The following PSMA8 variants were observed in gnomAD, a reference collection of about 807,000 sequenced individuals.
PSMA8 encodes the protein proteasome 20S subunit alpha 8.
PSMA8 carries 18 observed loss-of-function variants against 32.4 expected under a neutral mutation model. The observed-to-expected ratio is 0.56, with a 90% CI of 0.38 to 0.82. The LOEUF is 0.82. Among genes scored for constraint, PSMA8 ranks in the 40% least tolerant of loss-of-function variants. The pLI, the probability that PSMA8 is intolerant of heterozygous loss-of-function variation, is 0.00. For synonymous variants in PSMA8, 104 were observed against 98.1 expected (o/e 1.06, Z -0.36); for missense variants, 298 against 300.7 (o/e 0.99, Z 0.07).
intron 4 of PSMA8, among the ~76,000 whole-genome samples, chr18:26,174,684 T>C (rs746517761): frequency 1.3e-5 from 2 of 152,200 alleles, no homozygotes; most frequent in African/African-American, 2.4e-5. Context: ...TGTTTCAAAA[T>C]GGTAAGAATG....
chr18:26,137,638 A>G (rs905816529), intron 1 of PSMA8, among the ~76,000 whole-genome samples: 7 of 152,046 alleles, frequency 4.6e-5, no homozygotes, highest in African/African-American at 1.7e-4. Flanking sequence ...TCACACATTC[A>G]TTTATTATTT....
intron 6 of PSMA8, 51 bp from the exon 7 acceptor site, chr18:26,192,268 A>AT: frequency 1.6e-6 from 2 of 1,269,986 alleles, no homozygotes; most frequent in African/African-American, 1.7e-5. Context: ...TTGTATTTAC[A>AT]TATTATTCGT....
intron 4 of PSMA8, among the ~76,000 whole-genome samples, chr18:26,169,661 G>A (rs1409260066): frequency 3.1e-5 from 4 of 128,982 alleles, no homozygotes; most frequent in African/African-American, 4.3e-5. Context: ...CCAACATGGC[G>A]AAACCCCATC....
At chr18:26,181,958 T>G (rs150709812) in intron 6 of PSMA8, among the ~76,000 whole-genome samples, 1 of 150,666 alleles carries the variant, frequency 6.6e-6, no homozygotes, top group East Asian at 1.9e-4. Flanking sequence ...GTTACTGATA[T>G]GGAGGTTTTA....
In PSMA8 at chr18:26,151,863, A is replaced by G. The variant is rs1217621677; in HGVS notation, c.235A>G (p.Thr79Ala). The change falls in exon 3 of 7, where the codon ACT (threonine) becomes GCT (alanine). Residue 79 changes from threonine to alanine, a missense_variant. Coordinates refer to ENST00000415576, the MANE Select transcript of PSMA8 (RefSeq NM_001025096.2). ...DHVCMAFAGL[T>A]ADARVVINRA... ...AGTTTTGACAATTTTTATAGGACTT[A>G]CTGCTGATGCTAGAGTAGTAATAAA... The G allele has an allele frequency of 1.9e-6, 3 of 1,597,772 alleles. No homozygotes were observed. The highest frequency in any genetic ancestry group is 2.6e-6 in the Non-Finnish European group (3 of 1,174,510).
chr18:26,177,215 T>A (rs2088499810), intron 4 of PSMA8, among the ~76,000 whole-genome samples: 1 of 152,142 alleles, frequency 6.6e-6, no homozygotes, highest in South Asian at 2.1e-4. Flanking sequence ...CTAAAAGACA[T>A]TTGACAATGT....
chr18:26,144,524 C>T, intron 1 of PSMA8, 35 bp from the exon 2 acceptor site: 2 of 1,572,586 alleles, frequency 1.3e-6, no homozygotes, highest in East Asian at 2.2e-5. Context: ...TTTAAACTGA[C>T]ATCTGAATAT....
chr18:26,139,951 C>G, intron 1 of PSMA8: 1 of 670,520 alleles, frequency 1.5e-6, no homozygotes, highest in South Asian at 1.7e-5. Flanking sequence ...TCTCTGTACT[C>G]TTGTAGCTTA....
chr18:26,155,811 T>C (rs947989123), intron 3 of PSMA8, among the ~76,000 whole-genome samples: 1 of 152,064 alleles, frequency 6.6e-6, no homozygotes, highest in Non-Finnish European at 1.5e-5. Flanking sequence ...TGAGATTATA[T>C]CAAACTAAAA....
chr18:26,175,610 C>T (rs1487118390), intron 4 of PSMA8, among the ~76,000 whole-genome samples: 3 of 152,222 alleles, frequency 2.0e-5, no homozygotes, highest in Non-Finnish European at 1.5e-5. Context: ...GCCATTACCA[C>T]TTCCAGTAGC....
At chr18:26,143,153 T>G (rs948957552) in intron 1 of PSMA8, among the ~76,000 whole-genome samples, 3 of 152,222 alleles carry the variant, frequency 2.0e-5, no homozygotes, top group African/African-American at 7.2e-5. Context: ...AACATTCTTT[T>G]GTTATAACAT....
At chr18:26,191,560 A>C (rs1335868879) in intron 6 of PSMA8, among the ~76,000 whole-genome samples, 2 of 50,444 alleles carry the variant, frequency 4.0e-5, no homozygotes, top group African/African-American at 1.8e-4. Context: ...CTGAGGTGGG[A>C]GAATCGCTTG....
intron 2 of PSMA8, among the ~76,000 whole-genome samples, chr18:26,150,528 C>T (rs895948772): frequency 2.0e-5 from 3 of 151,916 alleles, no homozygotes; most frequent in African/African-American, 4.8e-5. Flanking sequence ...TTGTAGAAAC[C>T]GGGGTCTCTC....
chr18:26,173,522 A>C (rs1211950310), intron 4 of PSMA8, among the ~76,000 whole-genome samples: 1 of 150,022 alleles, frequency 6.7e-6, no homozygotes, highest in Non-Finnish European at 1.5e-5. Flanking sequence ...CTCCCCCACT[A>C]AGCTTTAAGG....
At chr18:26,161,749 A>C (rs10048264) in intron 4 of PSMA8, among the ~76,000 whole-genome samples, 8,540 of 152,220 alleles carry the variant, frequency 0.056, 704 homozygotes, top group African/African-American at 0.18. Context: ...TTTCTAAAAA[A>C]AATGCAAGGA....
intron 2 of PSMA8, among the ~76,000 whole-genome samples, chr18:26,145,426 C>T (rs563138873): frequency 2.0e-5 from 3 of 152,204 alleles, no homozygotes; most frequent in African/African-American, 7.2e-5. Context: ...CCTCTGTGTG[C>T]AGTTTTATTA....
chr18:26,186,474 T>G (rs904032554), intron 6 of PSMA8, among the ~76,000 whole-genome samples: 2 of 152,150 alleles, frequency 1.3e-5, no homozygotes, highest in African/African-American at 4.8e-5. Context: ...TGTAAACCTT[T>G]ATTATTTGAT....
intron 4 of PSMA8, among the ~76,000 whole-genome samples, chr18:26,162,534 A>G (rs1047627037): frequency 1.3e-5 from 2 of 152,192 alleles, no homozygotes; most frequent in African/African-American, 4.8e-5. Context: ...GCAGGGCTAG[A>G]ATGATTATTA....
intron 3 of PSMA8, among the ~76,000 whole-genome samples, chr18:26,156,945 C>G (rs2055094566): frequency 6.6e-6 from 1 of 150,728 alleles, no homozygotes; most frequent in Non-Finnish European, 1.5e-5. Context: ...CACCACCATG[C>G]CTGGCTAATT....
Sources: allele counts gnomAD v4.1 joint callset (sites outside exome capture counted in the v4.1 genomes callset), GRCh38; gene constraint gnomAD v4.1.1; transcripts MANE v1.5; gene names NCBI Gene and HGNC (gene_info 2026-07-23, HGNC 2026-07-21).